The following MCU variants were observed in gnomAD, a reference collection of about 807,000 sequenced individuals.
MCU encodes the protein mitochondrial calcium uniporter, also known as calcium uniporter protein, mitochondrial.
In MCU, 12 loss-of-function variants were observed where a neutral mutation model predicts 45.2. The ratio of observed to expected loss-of-function variants is 0.27; its 90% CI spans 0.17 to 0.43. The LOEUF is 0.43. MCU is among the 20% of genes least tolerant of loss of function. The pLI is 1.00. For missense variants in MCU, 324 were observed against 436.7 expected (o/e 0.74, Z 2.30); for synonymous variants, 160 against 165.1 (o/e 0.97, Z 0.24).
intron 1 of MCU, among the ~76,000 whole-genome samples, chr10:72,816,103 G>A (rs963932368): frequency 5.9e-5 from 9 of 152,094 alleles, no homozygotes; most frequent in African/African-American, 2.2e-4. Context: ...ATAGCGGGGC[G>A]GAGGTTGCAG....
At chr10:72,740,304 G>A (rs971666141) in intron 1 of MCU, among the ~76,000 whole-genome samples, 1 of 151,580 alleles carries the variant, frequency 6.6e-6, no homozygotes, top group Non-Finnish European at 1.5e-5. Context: ...GCTTGAACCC[G>A]GGAGGCAGAG....
intron 1 of MCU, among the ~76,000 whole-genome samples, chr10:72,775,606 A>G (rs936559548): frequency 6.6e-6 from 1 of 152,146 alleles, no homozygotes; most frequent in African/African-American, 2.4e-5. Flanking sequence ...TTGTTCTTTT[A>G]AAAAGATAAC....
At chr10:72,868,367 G>A (rs995904123) in intron 4 of MCU, among the ~76,000 whole-genome samples, 1 of 151,988 alleles carries the variant, frequency 6.6e-6, no homozygotes, top group South Asian at 2.1e-4. Context: ...TGGGCAACAC[G>A]GTGAAAACTT....
In MCU at chr10:72,729,952, C is replaced by CT. The variant is rs58668483; in HGVS notation, c.150+37674dup. Among the ~76,000 whole-genome samples, 841 of 90,496 alleles carry CT rather than the reference C, an allele frequency of 9.3e-3. 25 individuals carry two copies. Among genetic ancestry groups the CT allele is most frequent in the Admixed American group, 0.024 (172 of 7,312 alleles). The allele number at this position is 90,496 out of a possible 152,430, so 59.4% of individuals were successfully genotyped here. A position where few individuals can be genotyped will look rare whatever the true frequency, so the allele number is the denominator to read the frequency against. ...GTCTCTCTTCACTCTCTTCAGCATT[C>CT]TTTTTTTTTTTTTTTTTTTTTTTCG... On this transcript the variant is annotated intron_variant, in intron 1 of 7. Transcript: ENST00000373053.
chr10:72,711,189 A>C (rs1380361082), intron 1 of MCU, among the ~76,000 whole-genome samples: 2 of 151,884 alleles, frequency 1.3e-5, no homozygotes, highest in Non-Finnish European at 2.9e-5. Flanking sequence ...AAAAAAAAAA[A>C]AGTATTACAC....
intron 1 of MCU, among the ~76,000 whole-genome samples, chr10:72,765,412 G>A (rs1843711606): frequency 6.6e-6 from 1 of 151,810 alleles, no homozygotes; most frequent in African/African-American, 2.4e-5. Flanking sequence ...TATTTCCTAG[G>A]TCATGTTTTA....
At chr10:72,803,917 T>G (rs1462658855) in intron 1 of MCU, among the ~76,000 whole-genome samples, 1 of 149,134 alleles carries the variant, frequency 6.7e-6, no homozygotes, top group Non-Finnish European at 1.5e-5. Flanking sequence ...GTCCCATAAA[T>G]TTACACTTAG....
chr10:72,826,247 G>A (rs1334229986), intron 1 of MCU, among the ~76,000 whole-genome samples: 3 of 152,042 alleles, frequency 2.0e-5, no homozygotes, highest in Non-Finnish European at 2.9e-5. Flanking sequence ...TACATTTCGA[G>A]TAGCCATTTT....
intron 1 of MCU, among the ~76,000 whole-genome samples, chr10:72,708,128 A>G (rs1012108033): frequency 1.3e-5 from 2 of 152,242 alleles, no homozygotes; most frequent in Non-Finnish European, 2.9e-5. Context: ...TGAAATGAAG[A>G]AAAACAGCCT....
chr10:72,719,098 A>T (rs779507456), intron 1 of MCU, among the ~76,000 whole-genome samples: 3 of 152,176 alleles, frequency 2.0e-5, no homozygotes, highest in Non-Finnish European at 2.9e-5. Context: ...TCAAGTTTAT[A>T]CTTTTTCATT....
chr10:72,779,780 A>C (rs548600600), intron 1 of MCU, among the ~76,000 whole-genome samples: 1 of 152,166 alleles, frequency 6.6e-6, no homozygotes, highest in Non-Finnish European at 1.5e-5. Flanking sequence ...GAAAATAACA[A>C]GTGTTAGTGA....
intron 1 of MCU, among the ~76,000 whole-genome samples, chr10:72,744,699 C>T (rs1843386201): frequency 6.6e-6 from 1 of 152,200 alleles, no homozygotes; most frequent in Non-Finnish European, 1.5e-5. Flanking sequence ...TAAAACAGCA[C>T]AGCTGGTAGT....
At chr10:72,862,894 G>A (rs1163782543) in intron 4 of MCU, among the ~76,000 whole-genome samples, 9 of 150,560 alleles carry the variant, frequency 6.0e-5, no homozygotes, top group Admixed American at 4.6e-4. Flanking sequence ...ACCAGCCTGG[G>A]CAACACATCT....
intron 1 of MCU, among the ~76,000 whole-genome samples, chr10:72,799,731 C>G (rs1019406476): frequency 2.5e-4 from 38 of 152,136 alleles, no homozygotes; most frequent in African/African-American, 8.7e-4. Flanking sequence ...AAAGCAAAAC[C>G]CATGTCATTG....
chr10:72,884,138 TTAAA>T lies in MCU; in HGVS notation c.862-125_862-122del, dbSNP rs1845745025. On this transcript the variant is annotated intron_variant, in intron 6 of 7. Coordinates refer to ENST00000373053, the MANE Select transcript of MCU (RefSeq NM_138357.3). ...CACAGTAGAAATGTTCAGGTGGTGA[TTAAA>T]TACTTAACACAGCACATGTCAGCAC... The T allele has an allele frequency of 1.3e-5, 8 of 636,640 alleles. No individual in the cohort carries two copies. The East Asian group carries it at 1.8e-4, about 14-fold the overall frequency. The allele number at this position is 636,640 out of a possible 1,614,324, so 39.4% of individuals were successfully genotyped here. A position where few individuals can be genotyped will look rare whatever the true frequency, so the allele number is the denominator to read the frequency against.
chr10:72,768,996 C>T (rs1429949444), intron 1 of MCU, among the ~76,000 whole-genome samples: 2 of 152,048 alleles, frequency 1.3e-5, no homozygotes, highest in Non-Finnish European at 1.5e-5. Context: ...GGACTACAGG[C>T]ATGCACCACC....
At chr10:72,698,730 C>T (rs1243851956) in intron 1 of MCU, among the ~76,000 whole-genome samples, 1 of 152,200 alleles carries the variant, frequency 6.6e-6, no homozygotes, top group Non-Finnish European at 1.5e-5. Flanking sequence ...GTCTTGAGCT[C>T]CTGACCTCAG....
chr10:72,824,451 C>T (rs1334418379), intron 1 of MCU, among the ~76,000 whole-genome samples: 5 of 151,582 alleles, frequency 3.3e-5, no homozygotes, highest in African/African-American at 7.3e-5. Flanking sequence ...TCAGGAAATC[C>T]GCCTGCCTCA....
chr10:72,823,944 A>C (rs1239295051), intron 1 of MCU, among the ~76,000 whole-genome samples: 1 of 152,086 alleles, frequency 6.6e-6, no homozygotes, highest in Admixed American at 6.6e-5. Flanking sequence ...CCAGCTACTC[A>C]GGAGGCTGAG....
Sources: gnomAD v4.1 joint callset for allele counts (sites outside exome capture counted in the v4.1 genomes callset) on GRCh38, gnomAD v4.1.1 for gene constraint, MANE v1.5 for transcripts, NCBI Gene and HGNC (gene_info 2026-07-23, HGNC 2026-07-21) for gene names.